The following DDR2 variants were observed in gnomAD, a reference collection of about 807,000 sequenced individuals.
The protein encoded by DDR2 is discoidin domain-containing receptor 2.
A neutral mutation model predicts 94.9 loss-of-function variants in DDR2; 27 were observed. The observed-to-expected ratio is 0.28, with a 90% CI of 0.21 to 0.39. The LOEUF (loss-of-function observed/expected upper bound fraction) is 0.39, where lower values mean the gene tolerates loss of function less well. DDR2 is among the 10% of genes least tolerant of loss of function. The pLI is 1.00. For synonymous variants in DDR2, 382 were observed against 377.2 expected (o/e 1.01, Z -0.15); for missense variants, 783 against 1,076.0 (o/e 0.73, Z 3.81).
chr1:162,653,273 A>C (rs959212710), intron 1 of DDR2, among the ~76,000 whole-genome samples: 1 of 151,968 alleles, frequency 6.6e-6, no homozygotes, highest in Non-Finnish European at 1.5e-5. Flanking sequence ...GCAGGGAACT[A>C]GCTTTCAGAA....
At chr1:162,746,683 C>G (rs1662885053) in intron 3 of DDR2, among the ~76,000 whole-genome samples, 1 of 152,226 alleles carries the variant, frequency 6.6e-6, no homozygotes, top group African/African-American at 2.4e-5. Flanking sequence ...AAGTGGGTCC[C>G]TGACCCCCGA....
chr1:162,710,536 C>T (rs1475253691), intron 2 of DDR2, among the ~76,000 whole-genome samples: 3 of 152,124 alleles, frequency 2.0e-5, no homozygotes, highest in South Asian at 2.1e-4. Flanking sequence ...CTTGCCAAAA[C>T]CAAGCTCATT....
At chr1:162,658,919 C>T (rs902723968) in intron 2 of DDR2, among the ~76,000 whole-genome samples, 1 of 152,012 alleles carries the variant, frequency 6.6e-6, no homozygotes, top group Non-Finnish European at 1.5e-5. Flanking sequence ...GTAAACAGGG[C>T]TCCAGAAACA....
At chr1:162,779,045 G>A (rs189560830) in intron 17 of DDR2, among the ~76,000 whole-genome samples, 367 of 152,224 alleles carry the variant, frequency 2.4e-3, no homozygotes, top group African/African-American at 8.3e-3. Flanking sequence ...AGACCATGTG[G>A]TTTTTCTTCT....
At chr1:162,761,059 A>G (rs1663714021) in intron 8 of DDR2, 152 bp from the exon 9 acceptor site, 5 of 1,125,970 alleles carry the variant, frequency 4.4e-6, no homozygotes, top group South Asian at 2.6e-5. Flanking sequence ...TCTGAAATGT[A>G]CCTAGGAGGA....
chr1:162,661,445 G>A (rs1341292635), intron 2 of DDR2, among the ~76,000 whole-genome samples: 1 of 152,204 alleles, frequency 6.6e-6, no homozygotes, highest in Non-Finnish European at 1.5e-5. Context: ...GACTGTATGG[G>A]CTTGGAGTCC....
chr1:162,729,962 C>T (rs976855274), intron 3 of DDR2, among the ~76,000 whole-genome samples: 5 of 149,668 alleles, frequency 3.3e-5, no homozygotes, highest in South Asian at 2.1e-4. Flanking sequence ...AGGCTGGTCT[C>T]GAACTCCCGA....
chr1:162,693,454 CAA>C (rs1280901660), intron 2 of DDR2, among the ~76,000 whole-genome samples: 2 of 152,138 alleles, frequency 1.3e-5, no homozygotes, highest in Non-Finnish European at 2.9e-5. Context: ...ATTCATCAAA[CAA>C]AGACATTTTG....
At chr1:162,685,749 C>T (rs780179264) in intron 2 of DDR2, among the ~76,000 whole-genome samples, 4 of 152,020 alleles carry the variant, frequency 2.6e-5, no homozygotes, top group Non-Finnish European at 5.9e-5. Context: ...CTGTAGCAGC[C>T]GCTTTTCTAA....
intron 1 of DDR2, among the ~76,000 whole-genome samples, chr1:162,646,765 T>C (rs1657430233): frequency 1.3e-5 from 2 of 152,188 alleles, no homozygotes; most frequent in African/African-American, 2.4e-5. Flanking sequence ...TTTTGAAAAA[T>C]GCAGGTCCCA....
chr1:162,687,340 G>A (rs933991480), intron 2 of DDR2, among the ~76,000 whole-genome samples: 47 of 152,286 alleles, frequency 3.1e-4, no homozygotes, highest in Admixed American at 2.4e-3. Context: ...GCCATAAAAC[G>A]GCCCCACTGC....
At chr1:162,682,760 A>G (rs908891098) in intron 2 of DDR2, among the ~76,000 whole-genome samples, 7 of 152,202 alleles carry the variant, frequency 4.6e-5, no homozygotes, top group African/African-American at 1.2e-4. Flanking sequence ...GTATTTACTT[A>G]TGTTTAACAC....
chr1:162,665,307 T>C (rs770454931), intron 2 of DDR2, among the ~76,000 whole-genome samples: 10 of 152,140 alleles, frequency 6.6e-5, no homozygotes, highest in Non-Finnish European at 1.2e-4. Flanking sequence ...AGATCTCAGA[T>C]GGAACACCTG....
chr1:162,752,349 A>T (rs1663253997), intron 3 of DDR2, among the ~76,000 whole-genome samples: 1 of 152,228 alleles, frequency 6.6e-6, no homozygotes. Flanking sequence ...TATCCTGGAC[A>T]CACTCTCATG....
Position 162,727,951 on chromosome 1 carries a change from C to CTATATATATCTA in DDR2, c.82+8816_82+8827dup, listed in dbSNP as rs1466528951. ...ACCAAGAGCTAAGTCGACAATCACA[C>CTATATATATCTA]TATATATATCTATATATATATATAT... On this transcript the variant is annotated intron_variant, in intron 3 of 17. Coordinates refer to ENST00000367921, the MANE Select transcript of DDR2 (RefSeq NM_006182.4). Among the ~76,000 whole-genome samples the CTATATATATCTA allele has an allele frequency of 1.3e-4, 5 of 37,502 alleles. No individual in the cohort carries two copies. In the East Asian group the frequency reaches 2.1e-3, roughly 16 times the overall value. 24.6% of individuals were successfully genotyped at this position (37,502 alleles called of 152,430 possible).
intron 2 of DDR2, among the ~76,000 whole-genome samples, chr1:162,665,494 T>G (rs142243938): frequency 1.6e-3 from 238 of 152,004 alleles, no homozygotes; most frequent in African/African-American, 5.3e-3. Flanking sequence ...TGACCCTTCC[T>G]AGCTCATGTA....
intron 2 of DDR2, among the ~76,000 whole-genome samples, chr1:162,656,838 T>G (rs951315217): frequency 3.5e-5 from 4 of 113,818 alleles, no homozygotes; most frequent in Non-Finnish European, 5.8e-5. Context: ...CTGGAGTTTT[T>G]TTTTTTTTTT....
chr1:162,741,967 C>T (rs1049347433), intron 3 of DDR2, among the ~76,000 whole-genome samples: 4 of 152,192 alleles, frequency 2.6e-5, no homozygotes, highest in Non-Finnish European at 5.9e-5. Flanking sequence ...GTACATTGAT[C>T]TCATCCATTG....
intron 3 of DDR2, among the ~76,000 whole-genome samples, chr1:162,722,637 A>C (rs1476242738): frequency 6.6e-6 from 1 of 152,260 alleles, no homozygotes; most frequent in Non-Finnish European, 1.5e-5. Flanking sequence ...AATGATTTGG[A>C]GTTAACTTAG....
Sources: allele counts gnomAD v4.1 joint callset (sites outside exome capture counted in the v4.1 genomes callset), GRCh38; gene constraint gnomAD v4.1.1; transcripts MANE v1.5; gene names NCBI Gene and HGNC (gene_info 2026-07-23, HGNC 2026-07-21).